The following GRM5 variants were observed in gnomAD, a reference collection of about 807,000 sequenced individuals.
GRM5 encodes glutamate metabotropic receptor 5, also known as metabotropic glutamate receptor 5.
Under a neutral mutation model 83.1 loss-of-function variants are expected in GRM5, and 19 were observed. The observed-to-expected ratio is 0.23, with a 90% CI of 0.16 to 0.34. The LOEUF (loss-of-function observed/expected upper bound fraction) is 0.34. GRM5 is among the 10% of genes least tolerant of loss of function. The pLI is 1.00. For synonymous variants in GRM5, 675 were observed against 633.6 expected, an observed-to-expected ratio of 1.07 and a Z score of -0.98; for missense variants, 1,160 against 1,588.3, an observed-to-expected ratio of 0.73 and a Z score of 4.58.
At position 88,984,943 on chromosome 11, in the gene GRM5, G is replaced by C. The variant is rs1032483945; in HGVS notation, c.661+62269C>G. 8 of 586,690 alleles carry C rather than the reference G, an allele frequency of 1.4e-5. No individual in the cohort carries two copies. The African/African-American group carries it at 1.5e-4, about 11-fold the overall frequency. 36.3% of individuals were successfully genotyped at this position (586,690 alleles called of 1,614,324 possible). On this transcript the variant is annotated intron_variant, in intron 2 of 9. Coordinates refer to ENST00000305447, the MANE Select transcript of GRM5 (RefSeq NM_001143831.3). ...TTTTTAAATGCCATTTTAATAATTT[G>C]ACTCACTTTTTTTCTAATCACAGTA...
chr11:88,984,864 A>G (rs1939651453), intron 2 of GRM5: 3 of 704,294 alleles, frequency 4.3e-6, no homozygotes, highest in South Asian at 3.2e-5. Flanking sequence ...TCAAATCTCA[A>G]GAACACACAC....
chr11:88,524,514 G>A (rs1249095620), intron 9 of GRM5, among the ~76,000 whole-genome samples: 1 of 152,122 alleles, frequency 6.6e-6, no homozygotes, highest in Non-Finnish European at 1.5e-5. Flanking sequence ...CAATGCGCCC[G>A]GCCCCAGGGC....
chr11:88,801,668 G>C (rs6483465), intron 3 of GRM5, among the ~76,000 whole-genome samples: 2 of 151,584 alleles, frequency 1.3e-5, no homozygotes, highest in Middle Eastern at 3.4e-3. Flanking sequence ...GGAGGCATAG[G>C]TGAGAGTGAG....
At chr11:88,640,015 A>G (rs1939246652) in intron 4 of GRM5, among the ~76,000 whole-genome samples, 1 of 152,284 alleles carries the variant, frequency 6.6e-6, no homozygotes, top group South Asian at 2.1e-4. Flanking sequence ...AGAAATGTGT[A>G]AAATTATTTC....
intron 3 of GRM5, among the ~76,000 whole-genome samples, chr11:88,668,297 G>GCA (rs72052705): frequency 0.088 from 11,458 of 129,960 alleles, 800 homozygotes; most frequent in African/African-American, 0.2. Flanking sequence ...CCAGAAACTC[G>GCA]CACACACACA....
intron 2 of GRM5, among the ~76,000 whole-genome samples, chr11:89,025,107 A>G (rs1318359025): frequency 6.6e-6 from 1 of 152,186 alleles, no homozygotes; most frequent in East Asian, 1.9e-4. Context: ...TTTCTTCTGT[A>G]TCTTGTAATG....
chr11:88,789,808 T>C (rs1025748179), intron 3 of GRM5, among the ~76,000 whole-genome samples: 2 of 152,200 alleles, frequency 1.3e-5, no homozygotes, highest in Non-Finnish European at 2.9e-5. Context: ...TGCAGCTTCC[T>C]AAAATTCAAC....
chr11:88,891,512 T>C (rs568383370), intron 2 of GRM5, among the ~76,000 whole-genome samples: 1 of 151,324 alleles, frequency 6.6e-6, no homozygotes, highest in Non-Finnish European at 1.5e-5. Context: ...TTTAATCACA[T>C]TGGGATTGCC....
chr11:88,636,692 T>A (rs1048918053), intron 4 of GRM5, among the ~76,000 whole-genome samples: 2 of 152,152 alleles, frequency 1.3e-5, no homozygotes, highest in African/African-American at 2.4e-5. Flanking sequence ...TTGGTAATAA[T>A]GTATTATAAT....
intron 2 of GRM5, among the ~76,000 whole-genome samples, chr11:88,987,324 C>T (rs568284106): frequency 2.6e-5 from 4 of 152,286 alleles, no homozygotes; most frequent in Admixed American, 6.5e-5. Context: ...CGGCACACCA[C>T]GAGATTATAT....
Position 88,504,984 on chromosome 11 carries a change from G to T in GRM5, c.*3608C>A, listed in dbSNP as rs1417771906. 1 of 152,050 alleles carries T rather than the reference G, an allele frequency of 6.6e-6. No homozygotes were observed. The highest frequency in any genetic ancestry group is 6.5e-5 in the Admixed American group (1 of 15,272). The allele number at this position is 152,050 out of a possible 1,614,324, so 9.4% of individuals were successfully genotyped here. A position where few individuals can be genotyped will look rare whatever the true frequency, so the allele number is the denominator to read the frequency against. On this transcript the variant is annotated 3_prime_UTR_variant, in exon 10 of 10. Coordinates refer to ENST00000305447, the MANE Select transcript of GRM5 (RefSeq NM_001143831.3). Reference sequence around the variant, plus strand: ...TAGATTTCTAATTACAACACCATCAGCAGCTGCCATTGATTTCTAGAAATA... The same window carrying T: ...TAGATTTCTAATTACAACACCATCATCAGCTGCCATTGATTTCTAGAAATA...
chr11:88,541,252 A>G (rs961656547), intron 8 of GRM5, among the ~76,000 whole-genome samples: 1 of 152,154 alleles, frequency 6.6e-6, no homozygotes, highest in Non-Finnish European at 1.5e-5. Context: ...TCACAATGCA[A>G]AATATCCAAA....
At chr11:88,556,028 T>C (rs1343742606) in intron 8 of GRM5, among the ~76,000 whole-genome samples, 1 of 152,158 alleles carries the variant, frequency 6.6e-6, no homozygotes, top group Non-Finnish European at 1.5e-5. Flanking sequence ...TGAGGAAAGT[T>C]TGACTTCTAG....
intron 3 of GRM5, among the ~76,000 whole-genome samples, chr11:88,782,443 C>G (rs986173519): frequency 2.6e-5 from 4 of 152,106 alleles, no homozygotes; most frequent in African/African-American, 9.7e-5. Flanking sequence ...AAGACTTATT[C>G]ACTGTCACAA....
chr11:88,879,619 A>G (rs1944918124), intron 2 of GRM5, among the ~76,000 whole-genome samples: 1 of 151,978 alleles, frequency 6.6e-6, no homozygotes, highest in African/African-American at 2.4e-5. Flanking sequence ...TGTCAGCCAT[A>G]TGTTTCCAAG....
At chr11:88,710,458 G>A (rs1282984068) in intron 3 of GRM5, among the ~76,000 whole-genome samples, 4 of 152,040 alleles carry the variant, frequency 2.6e-5, no homozygotes, top group African/African-American at 9.7e-5. Context: ...ATTAAATCAT[G>A]GTACTGTCAC....
At chr11:88,867,611 A>AC (rs774593745) in intron 2 of GRM5, among the ~76,000 whole-genome samples, 108 of 151,816 alleles carry the variant, frequency 7.1e-4, no homozygotes, top group Middle Eastern at 3.4e-3. Context: ...GTTTGTATAC[A>AC]AGGTCTTTAA....
rs561893450 is a variant in GRM5 at position 88,674,390 on chromosome 11, A to G, written c.912-20987T>C. ...ATTTTATCCTATGACTCCAATTACC[A>G]TTTATATCTAATTACTTCTACATAT... On this transcript the variant is annotated intron_variant, in intron 3 of 9. Coordinates refer to ENST00000305447, the MANE Select transcript of GRM5 (RefSeq NM_001143831.3). 1.2e-4 allele frequency among the ~76,000 whole-genome samples: 18 copies of G among 151,992 alleles called. No homozygotes were observed. In the South Asian group the frequency reaches 3.7e-3, roughly 32 times the overall value.
chr11:88,659,181 C>T (rs959905545), intron 3 of GRM5, among the ~76,000 whole-genome samples: 4 of 152,038 alleles, frequency 2.6e-5, no homozygotes, highest in African/African-American at 7.2e-5. Flanking sequence ...TTTAATGATT[C>T]GTGGGAGGAG....
Sources: gnomAD v4.1 joint callset for allele counts (sites outside exome capture counted in the v4.1 genomes callset) on GRCh38, gnomAD v4.1.1 for gene constraint, MANE v1.5 for transcripts, NCBI Gene and HGNC (gene_info 2026-07-23, HGNC 2026-07-21) for gene names.